MME: variants seen among roughly 807,000 people sequenced by gnomAD.
MME encodes neprilysin.
In MME, 98 loss-of-function variants were observed where a neutral mutation model predicts 113.2. That is an observed-to-expected ratio of 0.87 (90% CI 0.74 to 1.02). The LOEUF is 1.02. MME is among the 50% of genes least tolerant of loss of function. MME has a pLI of 0.00. For missense variants in MME, 836 were observed against 896.0 expected (o/e 0.93, Z 0.86); for synonymous variants, 292 against 300.6 (o/e 0.97, Z 0.30).
chr3:155,156,466 G>T (rs1399859196), intron 16 of MME, among the ~76,000 whole-genome samples: 2 of 152,092 alleles, frequency 1.3e-5, no homozygotes, highest in African/African-American at 4.8e-5. Flanking sequence ...AGGAGTAGGA[G>T]ATTTGATTGG....
intron 9 of MME, among the ~76,000 whole-genome samples, chr3:155,139,852 A>G (rs1341480436): frequency 6.6e-6 from 1 of 152,226 alleles, no homozygotes; most frequent in Non-Finnish European, 1.5e-5. Flanking sequence ...TATATCAAAG[A>G]AAGTTAAAAT....
intron 1 of MME, among the ~76,000 whole-genome samples, chr3:155,050,096 C>G (rs9917802): frequency 0.097 from 14,725 of 152,084 alleles, 1,177 homozygotes; most frequent in African/African-American, 0.22. Context: ...TTGGTTTTCT[C>G]TTCCTGCATT....
At chr3:155,178,787 G>T (rs370066931) in intron 22 of MME, among the ~76,000 whole-genome samples, 31 of 152,080 alleles carry the variant, frequency 2.0e-4, no homozygotes, top group Non-Finnish European at 3.8e-4. Flanking sequence ...CAATGTAAAT[G>T]CTATGTAAAT....
At chr3:155,116,232 T>C (rs2108254569) in intron 4 of MME, among the ~76,000 whole-genome samples, 1 of 152,208 alleles carries the variant, frequency 6.6e-6, no homozygotes. Context: ...CAAAAGGACT[T>C]TCATCTAAAT....
At chr3:155,072,517 C>G (rs555534761) in intron 1 of MME, among the ~76,000 whole-genome samples, 1 of 152,150 alleles carries the variant, frequency 6.6e-6, no homozygotes, top group Non-Finnish European at 1.5e-5. Context: ...ATTTGCTTAG[C>G]TGCAACTGGT....
intron 8 of MME, among the ~76,000 whole-genome samples, chr3:155,128,677 T>A (rs1446085453): frequency 1.3e-5 from 2 of 151,812 alleles, no homozygotes; most frequent in Non-Finnish European, 2.9e-5. Context: ...TCTTATTTAA[T>A]GTCTTTTTTT....
At chr3:155,180,073 T>G (rs1453190665) in intron 22 of MME, among the ~76,000 whole-genome samples, 1 of 152,200 alleles carries the variant, frequency 6.6e-6, no homozygotes, top group African/African-American at 2.4e-5. Context: ...AACCTTAAGA[T>G]GCATGTTCTA....
At chr3:155,084,585 G>T (rs974244681) in intron 2 of MME, among the ~76,000 whole-genome samples, 3 of 152,160 alleles carry the variant, frequency 2.0e-5, no homozygotes, top group Admixed American at 2.0e-4. Flanking sequence ...CTAAAGTATG[G>T]TTTTATTTGA....
intron 1 of MME, among the ~76,000 whole-genome samples, chr3:155,067,076 T>C (rs928477307): frequency 2.0e-5 from 3 of 152,054 alleles, no homozygotes; most frequent in Non-Finnish European, 4.4e-5. Context: ...ATTCATATAA[T>C]GTATTTTCTG....
At chr3:155,052,215 T>C (rs1171111217) in intron 1 of MME, among the ~76,000 whole-genome samples, 1 of 152,320 alleles carries the variant, frequency 6.6e-6, no homozygotes, top group Non-Finnish European at 1.5e-5. Flanking sequence ...TGAGTGCCTG[T>C]GGCTTTTCCA....
At chr3:155,100,778 G>A (rs914755217) in intron 3 of MME, among the ~76,000 whole-genome samples, 4 of 152,174 alleles carry the variant, frequency 2.6e-5, no homozygotes, top group Non-Finnish European at 5.9e-5. Context: ...CAGCTACTCA[G>A]GAGGCTGAGG....
chr3:155,091,233 G>A (rs61762352), intron 3 of MME, among the ~76,000 whole-genome samples: 27 of 152,060 alleles, frequency 1.8e-4, no homozygotes, highest in Admixed American at 3.3e-4. Context: ...AATTGTGTAG[G>A]GATATTACCT....
chr3:155,089,412 A>G (rs1383997811), intron 3 of MME, among the ~76,000 whole-genome samples: 1 of 152,202 alleles, frequency 6.6e-6, no homozygotes, highest in Non-Finnish European at 1.5e-5. Flanking sequence ...TTTTTGTGCT[A>G]GATAATTCTT....
intron 9 of MME, among the ~76,000 whole-genome samples, chr3:155,139,563 T>C (rs1396017047): frequency 6.6e-6 from 1 of 152,076 alleles, no homozygotes; most frequent in Non-Finnish European, 1.5e-5. Flanking sequence ...AGTTGGGGAG[T>C]TGTTATTGCA....
At chr3:155,043,494 G>T (rs375519883) in intron 1 of MME, among the ~76,000 whole-genome samples, 1 of 151,564 alleles carries the variant, frequency 6.6e-6, no homozygotes, top group Non-Finnish European at 1.5e-5. Context: ...CACCACGCCC[G>T]GCCAATTATG....
chr3:155,161,655 AC>A (rs1322929543), intron 17 of MME, among the ~76,000 whole-genome samples: 1 of 152,168 alleles, frequency 6.6e-6, no homozygotes, highest in African/African-American at 2.4e-5. Context: ...TTGGAGTAAA[AC>A]CTGAATCCAT....
intron 1 of MME, among the ~76,000 whole-genome samples, chr3:155,040,608 A>T (rs954601589): frequency 2.6e-5 from 4 of 152,042 alleles, no homozygotes; most frequent in Non-Finnish European, 2.9e-5. Context: ...ACAGAGAGAG[A>T]GTGAAAAAGG....
At chr3:155,094,384 A>C (rs927151103) in intron 3 of MME, among the ~76,000 whole-genome samples, 1 of 152,198 alleles carries the variant, frequency 6.6e-6, no homozygotes, top group Non-Finnish European at 1.5e-5. Flanking sequence ...ACGACAGCCT[A>C]TTTCATGTTA....
At chr3:155,033,576 T>A (rs1021201172) in intron 1 of MME, among the ~76,000 whole-genome samples, 1 of 152,168 alleles carries the variant, frequency 6.6e-6, no homozygotes, top group South Asian at 2.1e-4. Flanking sequence ...ACTACTTGAA[T>A]TTTTTACAGT....
Sources: allele counts gnomAD v4.1 joint callset (sites outside exome capture counted in the v4.1 genomes callset), GRCh38; gene constraint gnomAD v4.1.1; transcripts MANE v1.5; gene names NCBI Gene and HGNC (gene_info 2026-07-23, HGNC 2026-07-21).